Variants in ZNF362 observed in about 807,000 individuals in gnomAD.
The protein encoded by ZNF362 is zinc finger protein 362.
Under a neutral mutation model 42.9 loss-of-function variants are expected in ZNF362, and 11 were observed. The observed-to-expected ratio is 0.26, with a 90% confidence interval of 0.16 to 0.42. ZNF362 has a LOEUF of 0.42. Among genes scored for constraint, ZNF362 ranks in the 20% least tolerant of loss-of-function variants. The pLI is 1.00. For missense variants in ZNF362, 362 were observed against 576.2 expected (o/e 0.63, Z 3.81); for synonymous variants, 255 against 257.3 (o/e 0.99, Z 0.09).
chr1:33,267,481 G>A (rs960440437), intron 1 of ZNF362, among the ~76,000 whole-genome samples: 1 of 152,030 alleles, frequency 6.6e-6, no homozygotes, highest in African/African-American at 2.4e-5. Flanking sequence ...GACTATTGTT[G>A]TATCACAAGT....
At chr1:33,210,196 T>A in the ZNF362 span, among the ~76,000 whole-genome samples, 1 of 152,246 alleles carries the variant, frequency 6.6e-6, no homozygotes, top group African/African-American at 2.4e-5. Flanking sequence ...CCAGTAGTCA[T>A]TCAGGAGCAG....
At chr1:33,268,343 C>A (rs1262496249) in intron 1 of ZNF362, among the ~76,000 whole-genome samples, 1 of 152,186 alleles carries the variant, frequency 6.6e-6, no homozygotes, top group South Asian at 2.1e-4. Context: ...CAGTTCCCCC[C>A]ACCTGATTAT....
At chr1:33,160,068 G>A in the ZNF362 span, 1 of 1,261,348 alleles carries the variant, frequency 7.9e-7, no homozygotes, top group East Asian at 2.5e-5. Flanking sequence ...ACGCGTGGTG[G>A]GGGAAATGTC....
At chr1:33,158,846 CT>C in the ZNF362 span, among the ~76,000 whole-genome samples, 80 of 145,450 alleles carry the variant, frequency 5.5e-4, no homozygotes, top group Non-Finnish European at 5.0e-4. Context: ...TCTTTTTTTT[CT>C]TTTTTTTTTT....
the ZNF362 span, chr1:33,146,289 C>T: frequency 0.7 from 130,650 of 186,006 alleles, 46,406 homozygotes; most frequent in Non-Finnish European, 0.75. Context: ...ACAAGGGGTC[C>T]AGCCAACAGC....
At chr1:33,221,315 G>A in the ZNF362 span, among the ~76,000 whole-genome samples, 2 of 152,318 alleles carry the variant, frequency 1.3e-5, no homozygotes, top group South Asian at 2.1e-4. Context: ...CCCCCATCAG[G>A]CAGGCTTGGG....
At chr1:33,178,937 G>T in the ZNF362 span, among the ~76,000 whole-genome samples, 1 of 152,236 alleles carries the variant, frequency 6.6e-6, no homozygotes, top group Non-Finnish European at 1.5e-5. Flanking sequence ...GGAGAACCAA[G>T]GCTCTGAAGC....
the ZNF362 span, among the ~76,000 whole-genome samples, chr1:33,168,619 C>T: frequency 1.3e-5 from 2 of 152,220 alleles, no homozygotes; most frequent in African/African-American, 4.8e-5. Flanking sequence ...GCAGCTACTT[C>T]AGCCAGGGCT....
chr1:33,289,732 CTG>C (rs1403754861), intron 6 of ZNF362, among the ~76,000 whole-genome samples: 1 of 152,228 alleles, frequency 6.6e-6, no homozygotes, highest in Non-Finnish European at 1.5e-5. Context: ...GGAATCCCCT[CTG>C]TGCTGAGCCC....
chr1:33,159,640 CGAG>C, the ZNF362 span: 1 of 1,572,564 alleles, frequency 6.4e-7, no homozygotes, highest in Non-Finnish European at 8.6e-7. The surrounding 1 kb of genome is among the most constrained non-coding windows in gnomAD (Gnocchi z 4.2). Context: ...CAGCATGGGT[CGAG>C]GAGGGGATGG....
At chr1:33,277,842 G>A (rs1645963093) in intron 4 of ZNF362, among the ~76,000 whole-genome samples, 1 of 152,164 alleles carries the variant, frequency 6.6e-6, no homozygotes, top group African/African-American at 2.4e-5. Flanking sequence ...CTGGGATAAT[G>A]TCAAGGGGCT....
chr1:33,233,187 C>A, the ZNF362 span, among the ~76,000 whole-genome samples: 1 of 152,210 alleles, frequency 6.6e-6, no homozygotes. Context: ...TCACTCTAAG[C>A]CCTGGGCAGA....
At chr1:33,263,594 A>G (rs953903240) in intron 1 of ZNF362, among the ~76,000 whole-genome samples, 7 of 152,082 alleles carry the variant, frequency 4.6e-5, no homozygotes, top group Non-Finnish European at 8.8e-5. Flanking sequence ...TATTTTTAGT[A>G]GAGATGGGGT....
At position 33,294,603 on chromosome 1, in the gene ZNF362, C is replaced by T. The variant is rs935878581; in HGVS notation, c.909-334C>T. Among the ~76,000 whole-genome samples, 4 of 152,068 alleles carry T rather than the reference C, an allele frequency of 2.6e-5. No homozygotes were observed. Among genetic ancestry groups the T allele is most frequent in the South Asian group, 2.1e-4 (1 of 4,828 alleles). ...TCTGTGTTCTTTGCAATATGTGGTC[C>T]GTAGTGTGGGGTTTTCAAAGAGAGG... On this transcript the variant is annotated intron_variant, in intron 6 of 8. Coordinates refer to ENST00000539719, the MANE Select transcript of ZNF362 (RefSeq NM_152493.3). The surrounding 1 kb of genome is among the most constrained non-coding windows in gnomAD (Gnocchi z 4.2).
chr1:33,241,358 G>C, the ZNF362 span, among the ~76,000 whole-genome samples: 1 of 151,886 alleles, frequency 6.6e-6, no homozygotes, highest in Non-Finnish European at 1.5e-5. Flanking sequence ...AGCCAGGTGT[G>C]GGGGCGGGTG....
chr1:33,271,264 G>C (rs1645902063), intron 2 of ZNF362, among the ~76,000 whole-genome samples: 1 of 152,308 alleles, frequency 6.6e-6, no homozygotes, highest in Admixed American at 6.5e-5. Flanking sequence ...AACGCTCGTG[G>C]CTCCCCTCAC....
At chr1:33,235,847 A>G in the ZNF362 span, among the ~76,000 whole-genome samples, 1 of 152,252 alleles carries the variant, frequency 6.6e-6, no homozygotes. Flanking sequence ...TTGGTCAAGC[A>G]GCGGACCTTT....
the ZNF362 span, among the ~76,000 whole-genome samples, chr1:33,224,527 C>T: frequency 6.6e-6 from 1 of 152,028 alleles, no homozygotes; most frequent in Non-Finnish European, 1.5e-5. Flanking sequence ...TCTATAATTG[C>T]AAGAGATCTA....
the ZNF362 span, among the ~76,000 whole-genome samples, chr1:33,228,181 A>G: frequency 6.6e-6 from 1 of 152,048 alleles, no homozygotes; most frequent in African/African-American, 2.4e-5. Context: ...TGTGTCCACA[A>G]GTAGGCACAT....
Sources: gnomAD v4.1 joint callset for allele counts (sites outside exome capture counted in the v4.1 genomes callset) on GRCh38, gnomAD v4.1.1 for gene constraint, Gnocchi (gnomAD v3.1) non-coding constraint, MANE v1.5 for transcripts, NCBI Gene and HGNC (gene_info 2026-07-23, HGNC 2026-07-21) for gene names.